PXK: variants seen among roughly 807,000 people sequenced by gnomAD.
PXK encodes PX domain containing serine/threonine kinase like, also known as PX domain-containing protein kinase-like protein.
PXK carries 35 observed loss-of-function variants against 84.7 expected under a neutral mutation model. That is an observed-to-expected ratio of 0.41 (90% CI 0.32 to 0.55). The LOEUF (loss-of-function observed/expected upper bound fraction) is 0.55, where lower values mean the gene tolerates loss of function less well. Ranked by LOEUF, PXK falls within the 20% of genes least tolerant of loss-of-function variation. PXK has a pLI of 0.21. For missense variants in PXK, 634 were observed against 699.7 expected (o/e 0.91, Z 1.06); for synonymous variants, 253 against 260.8 (o/e 0.97, Z 0.29).
chr3:58,350,619 C>T (rs994450595), intron 1 of PXK, among the ~76,000 whole-genome samples: 2 of 152,136 alleles, frequency 1.3e-5, no homozygotes, highest in African/African-American at 2.4e-5. Flanking sequence ...GTGGTGCGCC[C>T]TTGTTTAAGG....
intron 1 of PXK, among the ~76,000 whole-genome samples, chr3:58,344,394 C>T (rs2097782175): frequency 1.3e-5 from 2 of 152,204 alleles, no homozygotes; most frequent in South Asian, 4.1e-4. Context: ...AGTGACACCT[C>T]CAAGAGTAGG....
At chr3:58,347,312 G>C (rs768263324) in intron 1 of PXK, among the ~76,000 whole-genome samples, 1 of 152,100 alleles carries the variant, frequency 6.6e-6, no homozygotes, top group Non-Finnish European at 1.5e-5. Context: ...TATACAATTT[G>C]ATAAATCTTG....
chr3:58,339,206 G>A (rs1346849032), intron 1 of PXK, among the ~76,000 whole-genome samples: 2 of 148,922 alleles, frequency 1.3e-5, no homozygotes, highest in African/African-American at 2.5e-5. Context: ...TTGTTGTTGG[G>A]TTTTGTGGGG....
chr3:58,344,053 G>A (rs569336049), intron 1 of PXK, among the ~76,000 whole-genome samples: 5 of 152,102 alleles, frequency 3.3e-5, no homozygotes, highest in African/African-American at 9.7e-5. Context: ...TGGGAAGAGC[G>A]ACAATGGCTT....
At chr3:58,422,591 T>C (rs1252271842) in intron 17 of PXK, 1 of 985,312 alleles carries the variant, frequency 1.0e-6, no homozygotes, top group East Asian at 1.1e-4. Context: ...GGAAAATCCA[T>C]GTACTGAACC....
chr3:58,345,070 G>A (rs1215217290), intron 1 of PXK, among the ~76,000 whole-genome samples: 1 of 152,110 alleles, frequency 6.6e-6, no homozygotes, highest in Non-Finnish European at 1.5e-5. Context: ...TGCCTATTAA[G>A]ATAAAAAGAT....
intron 3 of PXK, among the ~76,000 whole-genome samples, chr3:58,371,352 C>T (rs2098367629): frequency 6.6e-6 from 1 of 152,176 alleles, no homozygotes; most frequent in African/African-American, 2.4e-5. Flanking sequence ...GCAGTTTATT[C>T]CAGCAGTGGA....
rs892431225 is a variant in PXK at position 58,420,862 on chromosome 3, A to G, written c.1529-3890A>G. Reference sequence around the variant, plus strand: ...AATCAACTGCATGGCATTTTGGTATATTTTAATTTTGGAAACCATAACTCT... The same window carrying G: ...AATCAACTGCATGGCATTTTGGTATGTTTTAATTTTGGAAACCATAACTCT... On this transcript the variant is annotated intron_variant, in intron 17 of 17. Transcript: ENST00000356151. 8 of 1,211,324 alleles carry G rather than the reference A, an allele frequency of 6.6e-6. No homozygotes were observed. In the African/African-American group the frequency reaches 1.1e-4, roughly 17 times the overall value. 75.0% of individuals were successfully genotyped at this position (1,211,324 alleles called of 1,614,324 possible). A position where few individuals can be genotyped will look rare whatever the true frequency, so the allele number is the denominator to read the frequency against.
At chr3:58,341,462 T>C (rs2097728931) in intron 1 of PXK, among the ~76,000 whole-genome samples, 1 of 152,082 alleles carries the variant, frequency 6.6e-6, no homozygotes, top group African/African-American at 2.4e-5. Context: ...CTTGGGAGGC[T>C]GAGGCAGCAG....
intron 3 of PXK, 44 bp downstream of exon 3, chr3:58,369,522 G>T (rs772100455): frequency 3.4e-5 from 52 of 1,547,152 alleles, no homozygotes; most frequent in Admixed American, 1.7e-4. Flanking sequence ...ATTACTTGGG[G>T]TGTCTAAAAA....
In PXK at chr3:58,397,518, G is replaced by A. The variant is rs553883689; in HGVS notation, c.985-87G>A. 7.8e-5 allele frequency: 91 copies of A among 1,162,252 alleles called. No individual in the cohort carries two copies. In the South Asian group the frequency reaches 1.1e-3, roughly 14 times the overall value. 72.0% of individuals were successfully genotyped at this position (1,162,252 alleles called of 1,614,324 possible). On this transcript the variant is annotated intron_variant, in intron 10 of 17. Coordinates refer to ENST00000356151, the MANE Select transcript of PXK (RefSeq NM_017771.5). The surrounding 1 kb of genome is among the most constrained non-coding windows in gnomAD (Gnocchi z 4.7). ...AGGAACGGGGCTATCCCTGGGCTTT[G>A]TTTCTCAGAGAAGCCTTGGGGCAGG...
At chr3:58,393,760 A>G (rs1195759876) in intron 7 of PXK, among the ~76,000 whole-genome samples, 1 of 152,198 alleles carries the variant, frequency 6.6e-6, no homozygotes, top group Non-Finnish European at 1.5e-5. Flanking sequence ...GTGACACTAC[A>G]TATTCTGTTC....
At chr3:58,392,848 G>T (rs139402883) in intron 7 of PXK, among the ~76,000 whole-genome samples, 1 of 151,902 alleles carries the variant, frequency 6.6e-6, no homozygotes, top group East Asian at 2.0e-4. Context: ...TTTTAGTAGA[G>T]ATGGGGTTTC....
At chr3:58,394,825 G>A (rs1182390579) in intron 7 of PXK, among the ~76,000 whole-genome samples, 173 bp from the exon 8 acceptor site, 1 of 152,086 alleles carries the variant, frequency 6.6e-6, no homozygotes, top group Non-Finnish European at 1.5e-5. Flanking sequence ...GAAGAAGGAG[G>A]AACTAGCTGG....
rs572271618 is a variant in PXK at position 58,384,839 on chromosome 3, G to C, written c.388+2139G>C. ...AATAAATGTGTTCCTTGCTCTCAGG[G>C]AGCTGGTACCAGAAGTACATTGAGT... On this transcript the variant is annotated intron_variant, in intron 4 of 17. Coordinates refer to ENST00000356151, the MANE Select transcript of PXK (RefSeq NM_017771.5). 4.4e-4 allele frequency among the ~76,000 whole-genome samples: 67 copies of C among 152,300 alleles called. No individual in the cohort carries two copies. In the Middle Eastern group the frequency reaches 0.017, roughly 39 times the overall value.
intron 1 of PXK, among the ~76,000 whole-genome samples, chr3:58,345,692 C>T (rs1006119090): frequency 2.6e-5 from 4 of 152,202 alleles, no homozygotes; most frequent in African/African-American, 9.6e-5. Flanking sequence ...TGAGCATACT[C>T]ATGACTTCCA....
Position 58,333,020 on chromosome 3 carries a change from A to G in PXK, c.32A>G (p.Lys11Arg). MAFMEKPPAG[K>R]VLLDDTVPLT... is the part of the protein sequence containing the mutation. ...TTCATGGAGAAGCCGCCAGCCGGCA[A>G]GGTGCTGCTGGACGACACGGTGCCG... The change falls in exon 1 of 18, where the codon AAG becomes AGG. Residue 11 changes from lysine (K) to arginine (R), a missense_variant. By Grantham distance (26) the Lys-to-Arg change is conservative. Transcript: ENST00000356151. The surrounding 1 kb of genome is among the most constrained non-coding windows in gnomAD (Gnocchi z 5.4). 2 of 1,367,164 alleles carry G rather than the reference A, an allele frequency of 1.5e-6. No homozygotes were observed. Among genetic ancestry groups the G allele is most frequent in the Non-Finnish European group, 9.5e-7 (1 of 1,047,314 alleles). 84.7% of individuals were successfully genotyped at this position (1,367,164 alleles called of 1,614,324 possible).
At chr3:58,339,785 A>C (rs1411525319) in intron 1 of PXK, among the ~76,000 whole-genome samples, 1 of 151,218 alleles carries the variant, frequency 6.6e-6, no homozygotes, top group East Asian at 1.9e-4. Flanking sequence ...TTCCATATGG[A>C]TTGTGATCTT....
At chr3:58,334,865 C>A (rs554422435) in intron 1 of PXK, among the ~76,000 whole-genome samples, 1 of 151,938 alleles carries the variant, frequency 6.6e-6, no homozygotes, top group South Asian at 2.1e-4. Flanking sequence ...GAAAAAATAA[C>A]TTAGAGATCA....
Sources: gnomAD v4.1 joint callset for allele counts (sites outside exome capture counted in the v4.1 genomes callset) on GRCh38, gnomAD v4.1.1 for gene constraint, Gnocchi (gnomAD v3.1) non-coding constraint, MANE v1.5 for transcripts, NCBI Gene and HGNC (gene_info 2026-07-23, HGNC 2026-07-21) for gene names.